The following PTPRT variants were observed in gnomAD, a reference collection of about 807,000 sequenced individuals.
PTPRT encodes the protein protein tyrosine phosphatase receptor type T.
A neutral mutation model predicts 176.8 loss-of-function variants in PTPRT; 56 were observed. The observed-to-expected ratio is 0.32, with a 90% confidence interval of 0.26 to 0.40. PTPRT has a LOEUF of 0.40. Among genes scored for constraint, PTPRT ranks in the 10% least tolerant of loss-of-function variants. The pLI is 1.00. For missense variants in PTPRT, 1,540 were observed against 1,908.2 expected (o/e 0.81, Z 3.60); for synonymous variants, 783 against 739.0 (o/e 1.06, Z -0.96).
chr20:43,108,626 G>A (rs866728234), intron 1 of PTPRT, among the ~76,000 whole-genome samples: 1 of 152,178 alleles, frequency 6.6e-6, no homozygotes, highest in Middle Eastern at 3.4e-3. Flanking sequence ...TTCTGAATCA[G>A]AGTTGCCCTT....
chr20:42,957,304 T>C (rs1981702082), intron 1 of PTPRT, among the ~76,000 whole-genome samples: 1 of 152,204 alleles, frequency 6.6e-6, no homozygotes, highest in African/African-American at 2.4e-5. Flanking sequence ...CGTCACCTGC[T>C]CATAAACATT....
At chr20:42,670,426 G>C (rs1296145969) in intron 7 of PTPRT, among the ~76,000 whole-genome samples, 1 of 152,116 alleles carries the variant, frequency 6.6e-6, no homozygotes. Flanking sequence ...TGGCTCTAAA[G>C]CCTCTATCCT....
intron 17 of PTPRT, among the ~76,000 whole-genome samples, chr20:42,151,979 C>G (rs1008975803): frequency 6.6e-6 from 1 of 152,168 alleles, no homozygotes; most frequent in Non-Finnish European, 1.5e-5. Context: ...CTATTGTGGT[C>G]CACGGGTTCA....
rs539162043 is a variant in PTPRT, at chr20:42,079,437, C to T, written c.*1442G>A. The T allele has an allele frequency of 1.3e-4, 29 of 218,872 alleles. No individual in the cohort carries two copies. Among genetic ancestry groups the T allele is most frequent in the Middle Eastern group, 1.4e-3 (1 of 712 alleles). 13.6% of individuals were successfully genotyped at this position (218,872 alleles called of 1,614,324 possible). On this transcript the variant is annotated 3_prime_UTR_variant, in exon 31 of 31. Transcript: ENST00000373187. ...CAGGATTTCATTACTAAGGAAGGTG[C>T]GTGGGTTTCCTCATTGGAGGAGATG...
At chr20:43,186,231 C>T (rs140246289) in intron 1 of PTPRT, among the ~76,000 whole-genome samples, 38 of 152,306 alleles carry the variant, frequency 2.5e-4, no homozygotes, top group African/African-American at 8.2e-4. Flanking sequence ...TTGCCCAAGC[C>T]GGCATAGGTA....
chr20:43,111,672 TA>T lies in PTPRT; in HGVS notation c.88+77973del, dbSNP rs1169268901. Among the ~76,000 whole-genome samples, 12 of 150,470 alleles carry T rather than the reference TA, an allele frequency of 8.0e-5. No individual in the cohort carries two copies. The South Asian group carries it at 2.5e-3, about 32-fold the overall frequency. On this transcript the variant is annotated intron_variant, in intron 1 of 30. Transcript: ENST00000373187. The stretch of plus-strand genomic sequence containing the variant: ...AACAGAACTGTTTAAAGGAAAAAAA[TA>T]TGATCTGGTGAGAAGTGAGGTCTCA...
At chr20:43,111,490 G>A (rs2012863811) in intron 1 of PTPRT, among the ~76,000 whole-genome samples, 1 of 149,536 alleles carries the variant, frequency 6.7e-6, no homozygotes, top group Admixed American at 6.7e-5. Context: ...GTTGCAGTGA[G>A]CTGAGATCGT....
intron 13 of PTPRT, among the ~76,000 whole-genome samples, chr20:42,251,699 C>T (rs1181523461): frequency 3.5e-5 from 5 of 141,790 alleles, no homozygotes; most frequent in African/African-American, 5.3e-5. Flanking sequence ...CCTAATGGGG[C>T]AAGCACCCTG....
At chr20:43,150,183 G>A (rs1371703184) in intron 1 of PTPRT, among the ~76,000 whole-genome samples, 1 of 152,170 alleles carries the variant, frequency 6.6e-6, no homozygotes, top group African/African-American at 2.4e-5. Flanking sequence ...GGCAGCAACC[G>A]GCTGGAGCCA....
At chr20:42,818,161 C>T (rs761606458) in intron 2 of PTPRT, among the ~76,000 whole-genome samples, 8 of 152,220 alleles carry the variant, frequency 5.3e-5, no homozygotes, top group East Asian at 1.9e-4. Context: ...CCCAGAAGAA[C>T]GAGCAGGCAC....
intron 15 of PTPRT, among the ~76,000 whole-genome samples, chr20:42,211,452 A>G (rs956310478): frequency 1.3e-5 from 2 of 151,232 alleles, no homozygotes; most frequent in African/African-American, 4.8e-5. Flanking sequence ...ATTTACAAGA[A>G]AAAAACAAAC....
intron 7 of PTPRT, among the ~76,000 whole-genome samples, chr20:42,533,423 AG>A (rs1365329536): frequency 6.6e-6 from 1 of 152,204 alleles, no homozygotes; most frequent in Non-Finnish European, 1.5e-5. Flanking sequence ...GGAGCTGACA[AG>A]GAACCATGAT....
At chr20:42,495,321 C>T (rs973510139) in intron 7 of PTPRT, among the ~76,000 whole-genome samples, 2 of 152,310 alleles carry the variant, frequency 1.3e-5, no homozygotes, top group East Asian at 1.9e-4. Flanking sequence ...ACCTAGCCCT[C>T]TACCCTCTCT....
At chr20:42,603,899 C>A (rs1194352024) in intron 7 of PTPRT, among the ~76,000 whole-genome samples, 3 of 152,222 alleles carry the variant, frequency 2.0e-5, no homozygotes, top group Non-Finnish European at 4.4e-5. Context: ...TCCAGCTCTT[C>A]TCAACCTGGG....
chr20:42,404,987 T>C (rs545031993), intron 9 of PTPRT, among the ~76,000 whole-genome samples: 4 of 135,902 alleles, frequency 2.9e-5, no homozygotes, highest in South Asian at 2.2e-4. Flanking sequence ...TATATATATA[T>C]ACACACACAC....
At chr20:42,379,957 G>A (rs1320134461) in intron 9 of PTPRT, among the ~76,000 whole-genome samples, 1 of 152,164 alleles carries the variant, frequency 6.6e-6, no homozygotes, top group Non-Finnish European at 1.5e-5. Context: ...AGGATATGAA[G>A]TCTGGCCATC....
chr20:42,213,831 G>C (rs1239529765), intron 15 of PTPRT, among the ~76,000 whole-genome samples: 2 of 152,148 alleles, frequency 1.3e-5, no homozygotes, highest in East Asian at 3.9e-4. Flanking sequence ...CTTGATTTTG[G>C]ATTTATAGCT....
intron 1 of PTPRT, among the ~76,000 whole-genome samples, chr20:43,125,539 C>T (rs1253619030): frequency 1.3e-5 from 2 of 152,172 alleles, no homozygotes; most frequent in African/African-American, 2.4e-5. Context: ...CTATAAGCAT[C>T]CAACTTGCTT....
In PTPRT at chr20:42,971,279, G is replaced by C. The variant is rs111422730; in HGVS notation, c.89-85347C>G. The C allele has an allele frequency of 1.3e-3, 201 of 152,274 alleles. 1 individual carries two copies. Among genetic ancestry groups the C allele is most frequent in the African/African-American group, 4.3e-3 (179 of 41,556 alleles). The allele number at this position is 152,274 out of a possible 1,614,324, so 9.4% of individuals were successfully genotyped here. ...GAAGAATTTTTCAGTCTTCAGAGAA[G>C]CAAGTTCCCCACCCCTTGGGAAAAC... On this transcript the variant is annotated intron_variant, in intron 1 of 30. Transcript: ENST00000373187.
Sources: allele counts gnomAD v4.1 joint callset (sites outside exome capture counted in the v4.1 genomes callset), GRCh38; gene constraint gnomAD v4.1.1; transcripts MANE v1.5; gene names NCBI Gene and HGNC (gene_info 2026-07-23, HGNC 2026-07-21).